The following HS6ST2 variants were observed in gnomAD, a reference collection of about 807,000 sequenced individuals.
HS6ST2 encodes heparan-sulfate 6-O-sulfotransferase 2.
In HS6ST2, 17 loss-of-function variants were observed where a neutral mutation model predicts 33.0. The ratio of observed to expected loss-of-function variants is 0.52; its 90% CI spans 0.35 to 0.77. HS6ST2 has a LOEUF of 0.77. HS6ST2 is among the 30% of genes least tolerant of loss of function. HS6ST2 has a pLI of 0.01. For missense variants in HS6ST2, 519 were observed against 551.7 expected (o/e 0.94, Z 0.59); for synonymous variants, 248 against 237.1 (o/e 1.05, Z -0.42).
chrX:132,689,313 C>A (rs2064042861), intron 3 of HS6ST2, among the ~76,000 whole-genome samples: 1 of 111,874 alleles, frequency 8.9e-6, no homozygotes. Context: ...CCACAATCTG[C>A]CTGATAGGAA....
At chrX:132,665,851 C>G (rs1440620360) in intron 4 of HS6ST2, among the ~76,000 whole-genome samples, 1 of 110,460 alleles carries the variant, frequency 9.1e-6, no homozygotes, top group Non-Finnish European at 1.9e-5. Flanking sequence ...GGCTCTGCTG[C>G]TCAGACATAT....
intron 2 of HS6ST2, among the ~76,000 whole-genome samples, chrX:132,896,532 G>A (rs1432388692): frequency 9.1e-6 from 1 of 110,402 alleles, no homozygotes; most frequent in Admixed American, 9.7e-5. Context: ...GGTGACTAGA[G>A]TCAATAATAA....
intron 4 of HS6ST2, among the ~76,000 whole-genome samples, chrX:132,640,446 A>G (rs2063594440): frequency 9.0e-6 from 1 of 111,458 alleles, no homozygotes; most frequent in South Asian, 3.8e-4. Context: ...AAACTAATAG[A>G]TGTTTTGATT....
chrX:132,953,691 A>G (rs1388326155), intron 2 of HS6ST2, among the ~76,000 whole-genome samples: 2 of 112,154 alleles, frequency 1.8e-5, no homozygotes, highest in African/African-American at 6.5e-5. Flanking sequence ...CCCCTCTGCA[A>G]TCTAGCCACA....
At chrX:132,812,275 C>G (rs2065353651) in intron 2 of HS6ST2, among the ~76,000 whole-genome samples, 1 of 107,795 alleles carries the variant, frequency 9.3e-6, no homozygotes, top group Admixed American at 1.0e-4. Flanking sequence ...CATGGTGGTG[C>G]ACACCTGTAA....
chrX:132,713,330 T>C (rs774666923), intron 2 of HS6ST2, among the ~76,000 whole-genome samples: 10 of 111,676 alleles, frequency 9.0e-5, no homozygotes, highest in Admixed American at 8.5e-4. Context: ...GCATTATTAC[T>C]GTCACCTAGG....
At chrX:132,803,175 G>A (rs1299162158) in intron 2 of HS6ST2, among the ~76,000 whole-genome samples, 1 of 111,262 alleles carries the variant, frequency 9.0e-6, no homozygotes, top group African/African-American at 3.3e-5. Flanking sequence ...CCCCTTATTG[G>A]CCCCCTACTA....
chrX:132,776,824 T>C (rs2064964543), intron 2 of HS6ST2, among the ~76,000 whole-genome samples: 1 of 111,162 alleles, frequency 9.0e-6, no homozygotes, highest in African/African-American at 3.3e-5. Context: ...CAATTTTCTA[T>C]ACCTGCAATA....
At chrX:132,792,152 T>C (rs1000872541) in intron 2 of HS6ST2, among the ~76,000 whole-genome samples, 22 of 112,452 alleles carry the variant, frequency 2.0e-4, no homozygotes, top group African/African-American at 6.8e-4. Context: ...TGGAAAAACA[T>C]GAGAATGGGA....
chrX:132,715,232 C>G (rs760461842), intron 2 of HS6ST2, among the ~76,000 whole-genome samples: 1 of 111,114 alleles, frequency 9.0e-6, no homozygotes, highest in East Asian at 2.8e-4. Context: ...CCCAGGAGTT[C>G]AAGACCAACC....
intron 2 of HS6ST2, among the ~76,000 whole-genome samples, chrX:132,882,434 A>G (rs113028232): frequency 4.8e-5 from 5 of 104,839 alleles, no homozygotes; most frequent in East Asian, 6.0e-4. Context: ...TTTGTCTGTT[A>G]TTGGTGTATA....
At position 132,915,570 on chromosome X, in the gene HS6ST2, T is replaced by C. The variant is rs192328161; in HGVS notation, c.947+41238A>G. Among the ~76,000 whole-genome samples, 682 of 111,155 alleles carry C rather than the reference T, an allele frequency of 6.1e-3. 4 individuals carry two copies. The highest frequency in any genetic ancestry group is 0.01 in the Non-Finnish European group (552 of 53,036). On this transcript the variant is annotated intron_variant, in intron 2 of 4. Transcript: ENST00000370833. The stretch of plus-strand genomic sequence containing the variant: ...GGTATCAGTTTTCTCATCCATAAAA[T>C]GGAGGTGATTGTCTTAATAATGATG...
intron 2 of HS6ST2, among the ~76,000 whole-genome samples, chrX:132,726,986 T>C (rs941419168): frequency 2.9e-4 from 32 of 111,264 alleles, no homozygotes; most frequent in African/African-American, 1.0e-3. Flanking sequence ...AGGCCAAATC[T>C]CCTATTTTTC....
At chrX:132,796,656 A>C (rs972952847) in intron 2 of HS6ST2, among the ~76,000 whole-genome samples, 1 of 112,502 alleles carries the variant, frequency 8.9e-6, no homozygotes, top group Admixed American at 9.4e-5. Flanking sequence ...GTGCCCAGCC[A>C]GATGGTCACT....
intron 2 of HS6ST2, among the ~76,000 whole-genome samples, chrX:132,733,666 G>A (rs899593134): frequency 2.7e-5 from 3 of 111,301 alleles, no homozygotes; most frequent in South Asian, 7.6e-4. Flanking sequence ...AAGCTTTAGA[G>A]TCTAAATGTT....
At chrX:132,882,151 A>T (rs1278074400) in intron 2 of HS6ST2, among the ~76,000 whole-genome samples, 2 of 111,129 alleles carry the variant, frequency 1.8e-5, no homozygotes, top group African/African-American at 6.6e-5. Flanking sequence ...GTTTTTTCCA[A>T]TTCTGTGAAG....
At chrX:132,876,424 G>A (rs766311801) in intron 2 of HS6ST2, among the ~76,000 whole-genome samples, 1 of 112,129 alleles carries the variant, frequency 8.9e-6, no homozygotes, top group South Asian at 3.7e-4. Flanking sequence ...TTGTGATCTG[G>A]AGACAGAATA....
intron 2 of HS6ST2, among the ~76,000 whole-genome samples, chrX:132,876,205 G>A (rs763343050): frequency 9.0e-6 from 1 of 111,386 alleles, no homozygotes; most frequent in African/African-American, 3.3e-5. Flanking sequence ...TGGAAGATGG[G>A]CAATTTGTGT....
chrX:132,894,529 T>TGTTATG (rs1029056457), intron 2 of HS6ST2, among the ~76,000 whole-genome samples: 50 of 107,106 alleles, frequency 4.7e-4, no homozygotes, highest in African/African-American at 1.7e-3. Context: ...TGTTATGTTA[T>TGTTATG]TTATTTTGAT....
Sources: allele counts gnomAD v4.1 joint callset (sites outside exome capture counted in the v4.1 genomes callset), GRCh38; gene constraint gnomAD v4.1.1; transcripts MANE v1.5; gene names NCBI Gene and HGNC (gene_info 2026-07-23, HGNC 2026-07-21).